ETFBKMT: variants seen among roughly 807,000 people sequenced by gnomAD.
ETFBKMT encodes electron transfer flavoprotein beta subunit lysine methyltransferase.
ETFBKMT carries 13 observed loss-of-function variants against 18.3 expected under a neutral mutation model. That is an observed-to-expected ratio of 0.71 (90% CI 0.46 to 1.13). ETFBKMT has a LOEUF of 1.13. Among genes scored for constraint, ETFBKMT ranks in the 50% most tolerant of loss-of-function variants. ETFBKMT has a pLI of 0.00. For missense variants in ETFBKMT, 293 were observed against 306.2 expected, an observed-to-expected ratio of 0.96 and a Z score of 0.32; for synonymous variants, 84 against 107.9, an observed-to-expected ratio of 0.78 and a Z score of 1.37.
chr12:31,670,752 G>A lies in ETFBKMT; in HGVS notation c.*2762G>A, dbSNP rs1230908938. 6.6e-6 allele frequency: 1 copy of A among 151,894 alleles called. No individual in the cohort carries two copies. The highest frequency in any genetic ancestry group is 2.4e-5 in the African/African-American group (1 of 41,318). The allele number at this position is 151,894 out of a possible 1,614,324, so 9.4% of individuals were successfully genotyped here. A position where few individuals can be genotyped will look rare whatever the true frequency, so the allele number is the denominator to read the frequency against. On this transcript the variant is annotated 3_prime_UTR_variant, in exon 4 of 4. Coordinates refer to ENST00000357721, the MANE Select transcript of ETFBKMT (RefSeq NM_001135863.2). Reference sequence around the variant, plus strand: ...TTCTTTCCATATTTACTTATTCAATGAATATTTGAGTGCTTATTATATACC... The same window carrying A: ...TTCTTTCCATATTTACTTATTCAATAAATATTTGAGTGCTTATTATATACC...
At chr12:31,658,920 CTG>C (rs1326656881), upstream of ETFBKMT, among the ~76,000 whole-genome samples, 2 of 131,658 alleles carry the variant, frequency 1.5e-5, no homozygotes, top group African/African-American at 2.9e-5. Flanking sequence ...AGGGCTTATA[CTG>C]TGTCTTTTTT....
intron 2 of ETFBKMT, 65 bp from the exon 3 acceptor site, chr12:31,666,022 G>T: frequency 6.9e-7 from 1 of 1,452,512 alleles, no homozygotes; most frequent in South Asian, 1.3e-5. Flanking sequence ...CAGATTTTGG[G>T]GGGCCTGTTC....
intron 3 of ETFBKMT, 59 bp downstream of exon 3, chr12:31,666,276 T>G (rs1475429675): frequency 1.2e-5 from 19 of 1,527,630 alleles, no homozygotes; most frequent in Non-Finnish European, 1.6e-5. Flanking sequence ...CTGGGATAAA[T>G]ATGTACACAT....
At position 31,671,225 on chromosome 12, in the gene ETFBKMT, C is replaced by T. The variant is rs1215101255; in HGVS notation, c.*3235C>T. 1 of 152,176 alleles carries T rather than the reference C, an allele frequency of 6.6e-6. No homozygotes were observed. Among genetic ancestry groups the T allele is most frequent in the Non-Finnish European group, 1.5e-5 (1 of 68,034 alleles). 9.4% of individuals were successfully genotyped at this position (152,176 alleles called of 1,614,324 possible). A position where few individuals can be genotyped will look rare whatever the true frequency, so the allele number is the denominator to read the frequency against. On this transcript the variant is annotated 3_prime_UTR_variant, in exon 4 of 4. Transcript: ENST00000357721. ...TAGAACAGGCCTTACCCATTTTGCA[C>T]ATATATACATATGCACCACCTTTGC...
Position 31,666,147 on chromosome 12 carries a change from A to G in ETFBKMT, c.375A>G (p.Gly125=), listed in dbSNP as rs1314588911. The G allele has an allele frequency of 1.9e-6, 3 of 1,613,932 alleles. No individual in the cohort carries two copies. Among genetic ancestry groups the G allele is most frequent in the Non-Finnish European group, 2.5e-6 (3 of 1,179,878 alleles). ...RGKSVLDLGS[G]CGATAIAAKM... is the part of the protein sequence containing the mutation. ...AATCTGTATTAGATCTTGGGAGTGG[A>G]TGTGGAGCTACAGCTATTGCTGCTA... is the stretch of plus-strand genomic sequence containing the variant. Residue 125 remains glycine (G), a synonymous_variant, in exon 3 of 4, where the codon GGA becomes GGG. Coordinates refer to ENST00000357721, the MANE Select transcript of ETFBKMT (RefSeq NM_001135863.2).
chr12:31,668,126 GT>G lies in ETFBKMT; in HGVS notation c.*139del. On this transcript the variant is annotated 3_prime_UTR_variant, in exon 4 of 4. Coordinates refer to ENST00000357721, the MANE Select transcript of ETFBKMT (RefSeq NM_001135863.2). Reference sequence around the variant, plus strand: ...AAAATCTTGTTTTTAAAATATGAAGGTTTAGAGTTTTGTTTACTTTTGTCAT... The same window carrying G: ...AAAATCTTGTTTTTAAAATATGAAGGTTAGAGTTTTGTTTACTTTTGTCAT... The G allele has an allele frequency of 1.4e-6, 1 of 737,348 alleles. No individual in the cohort carries two copies. The highest frequency in any genetic ancestry group is 2.1e-6 in the Non-Finnish European group (1 of 471,954). 45.7% of individuals were successfully genotyped at this position (737,348 alleles called of 1,614,324 possible).
chr12:31,647,205 C>G (rs1039098615), exon 1 of ETFBKMT: 14 of 152,618 alleles, frequency 9.2e-5, no homozygotes, highest in African/African-American at 3.4e-4. Flanking sequence ...CCAGGCCCTC[C>G]ACCAGCCTGC....
rs1951229283 is a variant in ETFBKMT at position 31,668,640 on chromosome 12, G to T, written c.*650G>T. The T allele has an allele frequency of 6.6e-6, 1 of 152,176 alleles. No individual in the cohort carries two copies. The highest frequency in any genetic ancestry group is 1.5e-5 in the Non-Finnish European group (1 of 68,146). 9.4% of individuals were successfully genotyped at this position (152,176 alleles called of 1,614,324 possible). On this transcript the variant is annotated 3_prime_UTR_variant, in exon 4 of 4. Coordinates refer to ENST00000357721, the MANE Select transcript of ETFBKMT (RefSeq NM_001135863.2). ...CCAGAGTAGCTGGGATTTTAGGTGTGCACCACCATGCCTGGCTAATTTTTG... is the reference window on the plus strand; with the variant it reads ...CCAGAGTAGCTGGGATTTTAGGTGTTCACCACCATGCCTGGCTAATTTTTG...
chr12:31,659,091 A>G (rs972474627), upstream of ETFBKMT: 2 of 152,086 alleles, frequency 1.3e-5, no homozygotes, highest in African/African-American at 2.4e-5. Context: ...ACGTTCCCTT[A>G]TTTTCCAGGT....
intron 1 of ETFBKMT, among the ~76,000 whole-genome samples, chr12:31,648,548 G>A (rs1484802763): frequency 7.4e-6 from 1 of 135,532 alleles, no homozygotes; most frequent in Non-Finnish European, 1.6e-5. Flanking sequence ...TTTTAGTAGA[G>A]ATGGGTTTCT....
chr12:31,664,740 C>T (rs1253339305), intron 2 of ETFBKMT, among the ~76,000 whole-genome samples: 4 of 151,686 alleles, frequency 2.6e-5, no homozygotes, highest in Admixed American at 1.3e-4. Flanking sequence ...CTCAGCCTCC[C>T]GAGTAGCTGG....
At chr12:31,651,953 A>T (rs1951021461) in intron 1 of ETFBKMT, among the ~76,000 whole-genome samples, 2 of 152,222 alleles carry the variant, frequency 1.3e-5, no homozygotes, top group Non-Finnish European at 2.9e-5. Flanking sequence ...TTCGGAGTAC[A>T]CATGTTCAAA....
chr12:31,666,220 A>G lies in ETFBKMT; in HGVS notation c.445+3A>G, dbSNP rs76908074. On this transcript the variant is annotated splice_donor_region_variant and intron_variant, in intron 3 of 3. Transcript: ENST00000357721. ...CTTGGCCAATGACATAGACCCTAGT[A>G]AGGATTCATATTTTAAAATATTTAA... 2,932 of 1,602,592 alleles carry G rather than the reference A, an allele frequency of 1.8e-3. 43 individuals are homozygous for G. In the African/African-American group the frequency reaches 0.034, roughly 18 times the overall value.
rs1363407714 is a variant in ETFBKMT at position 31,666,073 on chromosome 12, C to G, written c.315-14C>G. 2.5e-6 allele frequency: 4 copies of G among 1,606,800 alleles called. No individual in the cohort carries two copies. In the African/African-American group the frequency reaches 5.4e-5, roughly 22 times the overall value. On this transcript the variant is annotated splice_polypyrimidine_tract_variant and intron_variant, in intron 2 of 3. Coordinates refer to ENST00000357721, the MANE Select transcript of ETFBKMT (RefSeq NM_001135863.2). ...CCTCATCTCTCTGAGACATGTTTCT[C>G]CTTTTTAATTTAGGTATCTTTTGGA... is the stretch of plus-strand genomic sequence containing the variant.
upstream of ETFBKMT, among the ~76,000 whole-genome samples, chr12:31,657,813 A>G (rs1951075124): frequency 6.6e-6 from 1 of 151,106 alleles, no homozygotes; most frequent in Non-Finnish European, 1.5e-5. Flanking sequence ...AAAAAAAAAA[A>G]GAATAGTTTT....
intron 1 of ETFBKMT, among the ~76,000 whole-genome samples, chr12:31,653,884 G>GT (rs750255966): frequency 8.5e-5 from 13 of 152,200 alleles, no homozygotes; most frequent in Non-Finnish European, 1.6e-4. Context: ...GGAGGCAGAG[G>GT]TTGCAGTGAG....
chr12:31,654,251 T>C (rs1951041693), upstream of ETFBKMT, among the ~76,000 whole-genome samples: 1 of 152,180 alleles, frequency 6.6e-6, no homozygotes, highest in Non-Finnish European at 1.5e-5. Context: ...GGTTTCACCA[T>C]GTTGGCCAGG....
chr12:31,660,654 G>A (rs992694616), intron 1 of ETFBKMT: 2 of 152,124 alleles, frequency 1.3e-5, no homozygotes, highest in Non-Finnish European at 2.9e-5. Flanking sequence ...TTTAGGAGTT[G>A]ATGTTCTTTT....
At position 31,668,085 on chromosome 12, in the gene ETFBKMT, A is replaced by C; in HGVS notation, c.*95A>C. ...AGATACTCTCCAGTTTAATGAATGT[A>C]ATTCTTGTTAAATGGAAAATCTTGT... On this transcript the variant is annotated 3_prime_UTR_variant, in exon 4 of 4. Transcript: ENST00000357721. 1.0e-6 allele frequency: 1 copy of C among 960,308 alleles called. No individual in the cohort carries two copies. Among genetic ancestry groups the C allele is most frequent in the Non-Finnish European group, 1.5e-6 (1 of 657,244 alleles). 59.5% of individuals were successfully genotyped at this position (960,308 alleles called of 1,614,324 possible).
Sources: gnomAD v4.1 joint callset for allele counts (sites outside exome capture counted in the v4.1 genomes callset) on GRCh38, gnomAD v4.1.1 for gene constraint, MANE v1.5 for transcripts, NCBI Gene and HGNC (gene_info 2026-07-23, HGNC 2026-07-21) for gene names.